GRM1: variants seen among roughly 807,000 people sequenced by gnomAD.
The protein encoded by GRM1 is metabotropic glutamate receptor 1.
In GRM1, 33 loss-of-function variants were observed where a neutral mutation model predicts 90.9. The observed-to-expected ratio is 0.36, with a 90% CI of 0.28 to 0.49. The LOEUF (loss-of-function observed/expected upper bound fraction) is 0.49, where lower values mean the gene tolerates loss of function less well. GRM1 is among the 20% of genes least tolerant of loss of function. The pLI, the probability that GRM1 is intolerant of heterozygous loss-of-function variation, is 0.99. For synonymous variants in GRM1, 700 were observed against 613.2 expected (o/e 1.14, Z -2.09); for missense variants, 1,190 against 1,534.3 (o/e 0.78, Z 3.75).
intron 3 of GRM1, among the ~76,000 whole-genome samples, chr6:146,305,918 T>C: frequency 6.6e-6 from 1 of 152,122 alleles, no homozygotes; most frequent in East Asian, 1.9e-4. Flanking sequence ...CAAATAACAA[T>C]AGAGGACAAC....
At chr6:146,216,918 C>T (rs1024836480) in intron 2 of GRM1, among the ~76,000 whole-genome samples, 6 of 152,108 alleles carry the variant, frequency 3.9e-5, no homozygotes, top group African/African-American at 1.4e-4. Flanking sequence ...AGGCATCTTT[C>T]CAGATTCTAT....
Position 146,328,946 on chromosome 6 carries a change from G to T in GRM1, c.1187-23304G>T, listed in dbSNP as rs576983917. ...CTTCATCCTCAATAGGGCAGGCTAT[G>T]CCAGTGGCGTGGGGCAGCCTGACCT... On this transcript the variant is annotated intron_variant, in intron 3 of 7. Transcript: ENST00000282753. 2.6e-5 allele frequency among the ~76,000 whole-genome samples: 4 copies of T among 152,270 alleles called. No individual in the cohort carries two copies. In the South Asian group the frequency reaches 8.3e-4, roughly 32 times the overall value.
At chr6:146,401,492 A>G (rs1777157603) in intron 7 of GRM1, among the ~76,000 whole-genome samples, 1 of 152,186 alleles carries the variant, frequency 6.6e-6, no homozygotes, top group Admixed American at 6.5e-5. Context: ...ATTAAGAGGG[A>G]AGAAATAAGA....
intron 5 of GRM1, among the ~76,000 whole-genome samples, chr6:146,371,430 G>C (rs1030465989): frequency 2.2e-4 from 33 of 151,980 alleles, no homozygotes; most frequent in Non-Finnish European, 4.4e-5. Context: ...TGGAGAATGC[G>C]GTATTCCTTC....
chr6:146,366,020 G>A (rs1562642130), intron 5 of GRM1, among the ~76,000 whole-genome samples: 1 of 152,148 alleles, frequency 6.6e-6, no homozygotes, highest in Non-Finnish European at 1.5e-5. Flanking sequence ...TTTTTCCAAA[G>A]CCTTTTTTTG....
chr6:146,294,636 C>A (rs1026751653), intron 2 of GRM1, among the ~76,000 whole-genome samples: 2 of 152,052 alleles, frequency 1.3e-5, no homozygotes, highest in African/African-American at 4.8e-5. Context: ...CCAGCTTCTT[C>A]TATTAATAAC....
intron 7 of GRM1, among the ~76,000 whole-genome samples, chr6:146,424,231 T>G (rs1262975004): frequency 6.6e-6 from 1 of 152,244 alleles, no homozygotes; most frequent in African/African-American, 2.4e-5. Flanking sequence ...CTACCAAAAG[T>G]GCAGTGGCAC....
chr6:146,276,339 T>A (rs1782360349), intron 2 of GRM1, among the ~76,000 whole-genome samples: 2 of 152,304 alleles, frequency 1.3e-5, no homozygotes, highest in Middle Eastern at 6.8e-3. Context: ...AAAGAAATTA[T>A]GGCATTCTTA....
At chr6:146,304,494 G>T in intron 2 of GRM1, 117 bp from the exon 3 acceptor site, 1 of 787,704 alleles carries the variant, frequency 1.3e-6, no homozygotes, top group Non-Finnish European at 2.2e-6. Context: ...GGGTAGTAAT[G>T]CTGGCTTAAA....
intron 2 of GRM1, among the ~76,000 whole-genome samples, chr6:146,265,331 T>C (rs1292002537): frequency 6.6e-6 from 1 of 152,234 alleles, no homozygotes; most frequent in Non-Finnish European, 1.5e-5. Flanking sequence ...ACATCTTCTT[T>C]TGAGGAATGT....
At chr6:146,385,203 A>T (rs183021084) in intron 5 of GRM1, among the ~76,000 whole-genome samples, 1 of 152,228 alleles carries the variant, frequency 6.6e-6, no homozygotes, top group East Asian at 1.9e-4. Context: ...AAGTTGCTAA[A>T]AACCAGTGAT....
rs541778568 is a variant in GRM1, at chr6:146,425,614, A to G, written c.2661-8258A>G. Among the ~76,000 whole-genome samples the G allele has an allele frequency of 5.3e-5, 8 of 152,318 alleles. No homozygotes were observed. In the South Asian group the frequency reaches 1.5e-3, roughly 28 times the overall value. ...TTTGAGGAGCCCTGTAGAGAACTGC[A>G]TCATGGCCAGAGTCCCCTGACATGA... On this transcript the variant is annotated intron_variant, in intron 7 of 7. Transcript: ENST00000282753.
At chr6:146,036,342 A>G (rs1790891411) in intron 1 of GRM1, among the ~76,000 whole-genome samples, 2 of 152,016 alleles carry the variant, frequency 1.3e-5, no homozygotes, top group Admixed American at 1.3e-4. Flanking sequence ...GCATGTCAGT[A>G]GGAGAAAGTT....
chr6:146,029,322 G>T lies in GRM1; in HGVS notation c.-196G>T. 6.4e-6 allele frequency: 4 copies of T among 620,284 alleles called. No individual in the cohort carries two copies. The highest frequency in any genetic ancestry group is 1.1e-5 in the Non-Finnish European group (4 of 348,394). 38.4% of individuals were successfully genotyped at this position (620,284 alleles called of 1,614,324 possible). ...ACGCCTCCAGCTTGTAGAGGCGGTCGTGGAGGACCCAGAGGAGGAGACGAA... is the reference window on the plus strand; with the variant it reads ...ACGCCTCCAGCTTGTAGAGGCGGTCTTGGAGGACCCAGAGGAGGAGACGAA... On this transcript the variant is annotated 5_prime_UTR_variant, in exon 1 of 8. Coordinates refer to ENST00000282753, the MANE Select transcript of GRM1 (RefSeq NM_001278064.2).
intron 7 of GRM1, among the ~76,000 whole-genome samples, chr6:146,414,184 T>G (rs1777675409): frequency 6.6e-6 from 1 of 152,118 alleles, no homozygotes. Context: ...TGAGACGCAT[T>G]TGGTGTTGAT....
intron 1 of GRM1, among the ~76,000 whole-genome samples, chr6:146,047,517 C>T (rs75277186): frequency 0.015 from 2,207 of 150,604 alleles, 25 homozygotes; most frequent in South Asian, 0.028. Flanking sequence ...AAGCAAAAGG[C>T]ATATCACAAG....
At chr6:146,387,918 C>A (rs1776569792) in intron 6 of GRM1, among the ~76,000 whole-genome samples, 1 of 151,954 alleles carries the variant, frequency 6.6e-6, no homozygotes, top group Non-Finnish European at 1.5e-5. Context: ...TGTATTGATG[C>A]AAGTGAGTTA....
intron 1 of GRM1, among the ~76,000 whole-genome samples, chr6:146,089,308 C>T (rs1251798887): frequency 2.0e-5 from 3 of 152,074 alleles, no homozygotes; most frequent in Non-Finnish European, 2.9e-5. Flanking sequence ...CAATGAATTC[C>T]GCCAGCAAAC....
At chr6:146,042,948 A>G (rs922453802) in intron 1 of GRM1, among the ~76,000 whole-genome samples, 3 of 151,982 alleles carry the variant, frequency 2.0e-5, no homozygotes, top group Non-Finnish European at 4.4e-5. Flanking sequence ...CAGATAAGAG[A>G]ACTGATATTT....
Sources: gnomAD v4.1 joint callset for allele counts (sites outside exome capture counted in the v4.1 genomes callset) on GRCh38, gnomAD v4.1.1 for gene constraint, MANE v1.5 for transcripts, NCBI Gene and HGNC (gene_info 2026-07-23, HGNC 2026-07-21) for gene names.